The following COTL1 variants were observed in gnomAD, a reference collection of about 807,000 sequenced individuals.
COTL1 encodes the protein coactosin-like protein.
A neutral mutation model predicts 16.5 loss-of-function variants in COTL1; 15 were observed. The observed-to-expected ratio is 0.91, with a 90% CI of 0.61 to 1.40. COTL1 has a LOEUF of 1.40. Ranked by LOEUF, COTL1 falls within the 40% of genes most tolerant of loss-of-function variation. The pLI, the probability that COTL1 is intolerant of heterozygous loss-of-function variation, is 0.00. For synonymous variants in COTL1, 112 were observed against 85.3 expected (o/e 1.31, Z -1.73); for missense variants, 220 against 201.5 (o/e 1.09, Z -0.56).
At chr16:84,569,355 T>C (rs556858897) in intron 3 of COTL1, among the ~76,000 whole-genome samples, 5 of 152,220 alleles carry the variant, frequency 3.3e-5, no homozygotes, top group African/African-American at 4.8e-5. Flanking sequence ...GTTCATTTTA[T>C]GTTAAATGAA....
At chr16:84,592,408 T>A (rs1904892087) in intron 2 of COTL1, among the ~76,000 whole-genome samples, 1 of 152,162 alleles carries the variant, frequency 6.6e-6, no homozygotes, top group Non-Finnish European at 1.5e-5. Flanking sequence ...GGGCGTTTAG[T>A]TGCTGGTGTG....
At chr16:84,604,780 G>C (rs898975762) in intron 2 of COTL1, among the ~76,000 whole-genome samples, 2 of 152,188 alleles carry the variant, frequency 1.3e-5, no homozygotes, top group East Asian at 1.9e-4. Context: ...TCTCAAGCCA[G>C]GTTCTTTTCA....
At chr16:84,613,025 G>C (rs1905372374) in intron 2 of COTL1, among the ~76,000 whole-genome samples, 1 of 144,416 alleles carries the variant, frequency 6.9e-6, no homozygotes, top group Non-Finnish European at 1.5e-5. Context: ...TTTTGAGATA[G>C]AGTCTCACTC....
At chr16:84,576,077 T>C (rs993563614) in intron 3 of COTL1, 2 of 152,222 alleles carry the variant, frequency 1.3e-5, no homozygotes, top group Non-Finnish European at 2.9e-5. Flanking sequence ...CTAACGTTTA[T>C]TTTTTAACAA....
intron 2 of COTL1, among the ~76,000 whole-genome samples, chr16:84,613,270 G>A (rs763666065): frequency 2.0e-5 from 3 of 152,144 alleles, no homozygotes; most frequent in Non-Finnish European, 2.9e-5. Flanking sequence ...AAAGTGCCGG[G>A]ATTACAGGCA....
In COTL1 at chr16:84,590,336, G is replaced by A; in HGVS notation, c.161-74C>T. 1 of 1,553,436 alleles carries A rather than the reference G, an allele frequency of 6.4e-7. No homozygotes were observed. ...CATGTCATGTCCCTGGGGAGAGGCT[G>A]TGAGCCACGAGTGCGCCTGGAGCAG... is the stretch of plus-strand genomic sequence containing the variant. On this transcript the variant is annotated intron_variant, in intron 2 of 3. Coordinates refer to ENST00000262428, the MANE Select transcript of COTL1 (RefSeq NM_021149.5). This position sits in a 1 kb window ranked among gnomAD's most constrained non-coding sequence, Gnocchi z 5.5.
rs975131124 is a variant in COTL1 at position 84,590,939 on chromosome 16, A to G, written c.161-677T>C. On this transcript the variant is annotated intron_variant, in intron 2 of 3. Transcript: ENST00000262428. This position sits in a 1 kb window ranked among gnomAD's most constrained non-coding sequence, Gnocchi z 5.5. ...GGATATTTCACTTATGACTAGGGCA[A>G]TTAGGTCAACAATGAATTCTGAACA... is the stretch of plus-strand genomic sequence containing the variant. Among the ~76,000 whole-genome samples, 6 of 152,204 alleles carry G rather than the reference A, an allele frequency of 3.9e-5. No homozygotes were observed. Among genetic ancestry groups the G allele is most frequent in the African/African-American group, 1.2e-4 (5 of 41,456 alleles).
chr16:84,588,372 A>G (rs946411570), intron 3 of COTL1, among the ~76,000 whole-genome samples: 2 of 152,192 alleles, frequency 1.3e-5, no homozygotes, highest in African/African-American at 4.8e-5. Context: ...ACTGTGGTAC[A>G]TTTGTCACAG....
At chr16:84,576,370 A>G (rs539138023) in intron 3 of COTL1, 2 of 152,330 alleles carry the variant, frequency 1.3e-5, no homozygotes, top group African/African-American at 4.8e-5. Flanking sequence ...GCATATTTCT[A>G]TGAAGTGGGG....
At chr16:84,614,779 C>T (rs1905428313) in intron 2 of COTL1, among the ~76,000 whole-genome samples, 2 of 152,126 alleles carry the variant, frequency 1.3e-5, no homozygotes, top group African/African-American at 4.8e-5. Flanking sequence ...CACAAAAGAG[C>T]CCTCTCTGAG....
intron 2 of COTL1, among the ~76,000 whole-genome samples, chr16:84,599,288 G>A (rs184081972): frequency 9.2e-4 from 140 of 152,334 alleles, no homozygotes; most frequent in Non-Finnish European, 1.8e-3. Flanking sequence ...CCAAACCCCC[G>A]AGGAAGGAGG....
intron 2 of COTL1, among the ~76,000 whole-genome samples, chr16:84,603,546 C>T (rs529297483): frequency 6.6e-6 from 1 of 152,206 alleles, no homozygotes; most frequent in Admixed American, 6.5e-5. Context: ...GGGGGTGATG[C>T]CCTGGGAATC....
Position 84,615,853 on chromosome 16 carries a change from T to TTGTGTGTGTGTGTGTGTG in COTL1, c.160+1630_160+1647dup, listed in dbSNP as rs112335989. 1.6e-3 allele frequency among the ~76,000 whole-genome samples: 243 copies of TTGTGTGTGTGTGTGTGTG among 149,812 alleles called. 1 individual carries two copies. The highest frequency in any genetic ancestry group is 5.7e-3 in the African/African-American group (232 of 40,576). On this transcript the variant is annotated intron_variant, in intron 2 of 3. Coordinates refer to ENST00000262428, the MANE Select transcript of COTL1 (RefSeq NM_021149.5). Reference sequence around the variant, plus strand: ...CAGCGCTCAAGGAGTAATTTTAGTTTTGTGTGTGTGTGTGTGTGTGTGTGC... The same window carrying TTGTGTGTGTGTGTGTGTG: ...CAGCGCTCAAGGAGTAATTTTAGTTTTGTGTGTGTGTGTGTGTGTGTGTGTGTGTGTGTGTGTGTGTGC...
chr16:84,585,304 G>A (rs577077639), intron 3 of COTL1, among the ~76,000 whole-genome samples: 1 of 147,574 alleles, frequency 6.8e-6, no homozygotes, highest in East Asian at 2.1e-4. Flanking sequence ...GCAGTGAGCT[G>A]AGATTGTGCC....
intron 3 of COTL1, among the ~76,000 whole-genome samples, chr16:84,570,208 A>G (rs1904318738): frequency 6.6e-6 from 1 of 152,234 alleles, no homozygotes; most frequent in South Asian, 2.1e-4. Context: ...CCTGGGAGGC[A>G]GAAATGGCAG....
At position 84,578,598 on chromosome 16, in the gene COTL1, C is replaced by T. The variant is rs143990817; in HGVS notation, c.318+11507G>A. Among the ~76,000 whole-genome samples the T allele has an allele frequency of 1.1e-4, 17 of 152,016 alleles. No individual in the cohort carries two copies. The East Asian group carries it at 3.1e-3, about 28-fold the overall frequency. Reference sequence around the variant, plus strand: ...AGACACACACAGGCATGCACGCACACAAACACAGATATGCACACACCAACA... The same window carrying T: ...AGACACACACAGGCATGCACGCACATAAACACAGATATGCACACACCAACA... On this transcript the variant is annotated intron_variant, in intron 3 of 3. Coordinates refer to ENST00000262428, the MANE Select transcript of COTL1 (RefSeq NM_021149.5).
rs745715012 is a variant in COTL1 at position 84,617,452 on chromosome 16, G to A, written c.160+49C>T. 4.6e-6 allele frequency: 7 copies of A among 1,524,494 alleles called. No individual in the cohort carries two copies. In the African/African-American group the frequency reaches 5.5e-5, roughly 12 times the overall value. The allele number at this position is 1,524,494 out of a possible 1,614,324, so 94.4% of individuals were successfully genotyped here. On this transcript the variant is annotated intron_variant, in intron 2 of 3. Coordinates refer to ENST00000262428, the MANE Select transcript of COTL1 (RefSeq NM_021149.5). Reference sequence around the variant, plus strand: ...CTCTGGCCGGGGCTCCCCGGGTGCAGACAACCTCCCAACGACCGCGCATCC... The same window carrying A: ...CTCTGGCCGGGGCTCCCCGGGTGCAAACAACCTCCCAACGACCGCGCATCC...
chr16:84,598,668 C>T (rs1416286037), intron 2 of COTL1, among the ~76,000 whole-genome samples: 2 of 149,556 alleles, frequency 1.3e-5, no homozygotes, highest in African/African-American at 4.9e-5. Flanking sequence ...CCCCCCCCAC[C>T]AACCCCGACC....
In COTL1 at chr16:84,600,367, C is replaced by T. The variant is rs1026150697; in HGVS notation, c.161-10105G>A. 1.2e-4 allele frequency among the ~76,000 whole-genome samples: 18 copies of T among 146,034 alleles called. 1 individual carries two copies. The highest frequency in any genetic ancestry group is 1.1e-3 in the Admixed American group (16 of 14,596). On this transcript the variant is annotated intron_variant, in intron 2 of 3. Coordinates refer to ENST00000262428, the MANE Select transcript of COTL1 (RefSeq NM_021149.5). ...TCGCTCTGTTGTCCAGCCTGCAGTG[C>T]CGTGGCACGATCTCAGCTTACTGCA...
Sources: gnomAD v4.1 joint callset for allele counts (sites outside exome capture counted in the v4.1 genomes callset) on GRCh38, gnomAD v4.1.1 for gene constraint, Gnocchi (gnomAD v3.1) non-coding constraint, MANE v1.5 for transcripts, NCBI Gene and HGNC (gene_info 2026-07-23, HGNC 2026-07-21) for gene names.